UST: variants seen among roughly 807,000 people sequenced by gnomAD.
UST encodes uronyl 2-sulfotransferase.
In UST, 21 loss-of-function variants were observed where a neutral mutation model predicts 45.6. The observed-to-expected ratio is 0.46, with a 90% CI of 0.33 to 0.66. UST has a LOEUF of 0.66. UST is among the 30% of genes least tolerant of loss of function. UST has a pLI of 0.02. For missense variants in UST, 463 were observed against 512.4 expected (o/e 0.90, Z 0.93); for synonymous variants, 215 against 200.6 (o/e 1.07, Z -0.61).
At chr6:148,915,234 A>G (rs1779564135) in intron 2 of UST, among the ~76,000 whole-genome samples, 1 of 152,218 alleles carries the variant, frequency 6.6e-6, no homozygotes, top group African/African-American at 2.4e-5. Flanking sequence ...AAAAGACAAA[A>G]TTAAAGTGGC....
intron 7 of UST, among the ~76,000 whole-genome samples, chr6:149,041,061 C>T (rs1776306988): frequency 6.6e-6 from 1 of 152,218 alleles, no homozygotes; most frequent in African/African-American, 2.4e-5. Flanking sequence ...CCATGTTTCC[C>T]AGGTCGGCCT....
At chr6:149,062,104 T>C (rs1776662864) in intron 7 of UST, among the ~76,000 whole-genome samples, 1 of 152,250 alleles carries the variant, frequency 6.6e-6, no homozygotes, top group South Asian at 2.1e-4. Context: ...GTGTTTGTGG[T>C]GAACCTTCCT....
At chr6:148,985,009 T>C (rs1178020389) in intron 5 of UST, among the ~76,000 whole-genome samples, 1 of 152,208 alleles carries the variant, frequency 6.6e-6, no homozygotes, top group Admixed American at 6.5e-5. Flanking sequence ...AGGATGATTC[T>C]AGGTTTCTAG....
At chr6:148,950,428 A>T (rs769064365) in intron 3 of UST, among the ~76,000 whole-genome samples, 2 of 152,130 alleles carry the variant, frequency 1.3e-5, no homozygotes, top group Admixed American at 6.5e-5. Flanking sequence ...GATCTGGAAA[A>T]AAGAATTTTT....
chr6:149,069,801 T>C (rs1020865650), intron 7 of UST, among the ~76,000 whole-genome samples: 5 of 152,252 alleles, frequency 3.3e-5, no homozygotes, highest in Non-Finnish European at 1.5e-5. Context: ...AATAACCATT[T>C]ATATAGCAAA....
chr6:149,010,786 A>G (rs1466196788), intron 5 of UST, among the ~76,000 whole-genome samples: 1 of 150,580 alleles, frequency 6.6e-6, no homozygotes, highest in Non-Finnish European at 1.5e-5. Flanking sequence ...CCAACTACTC[A>G]GGAGGCTGAG....
In UST at chr6:149,010,093, C is replaced by G. The variant is rs1484460921; in HGVS notation, c.682-9046C>G. Among the ~76,000 whole-genome samples the G allele has an allele frequency of 7.9e-5, 12 of 151,464 alleles. 1 individual carries two copies. In the South Asian group the frequency reaches 2.5e-3, roughly 32 times the overall value. ...CGACTTTCTCAGATAAGCATTTTTC[C>G]TATAGTTACATATTCTTTGTAAACA... is the stretch of plus-strand genomic sequence containing the variant. On this transcript the variant is annotated intron_variant, in intron 5 of 7. Coordinates refer to ENST00000367463, the MANE Select transcript of UST (RefSeq NM_005715.3).
intron 7 of UST, among the ~76,000 whole-genome samples, chr6:149,036,089 C>T (rs565052236): frequency 6.6e-6 from 1 of 152,310 alleles, no homozygotes; most frequent in African/African-American, 2.4e-5. Flanking sequence ...TAGCCCATAC[C>T]TCTCCTTCCC....
intron 2 of UST, among the ~76,000 whole-genome samples, chr6:148,906,916 A>C (rs1334120090): frequency 1.3e-5 from 2 of 152,206 alleles, no homozygotes; most frequent in Non-Finnish European, 2.9e-5. Context: ...AATACTGAGG[A>C]AGGGTTCTAG....
intron 1 of UST, among the ~76,000 whole-genome samples, chr6:148,820,851 T>C (rs1180008501): frequency 1.8e-5 from 2 of 110,842 alleles, no homozygotes; most frequent in African/African-American, 3.8e-5. Context: ...AGACTCCATC[T>C]CAAAAAAAAA....
chr6:148,832,945 C>T (rs532731973), intron 1 of UST, among the ~76,000 whole-genome samples: 21 of 152,090 alleles, frequency 1.4e-4, no homozygotes, highest in African/African-American at 5.1e-4. Flanking sequence ...AACAAATAGC[C>T]CATAGAAAAG....
At chr6:149,038,889 CG>C (rs1170110818) in intron 7 of UST, among the ~76,000 whole-genome samples, 28 of 152,126 alleles carry the variant, frequency 1.8e-4, no homozygotes, top group Admixed American at 1.8e-3. Context: ...TATAGTGAGG[CG>C]GTTGGAGTTT....
chr6:149,019,056 A>C (rs1436528490), intron 5 of UST, 83 bp from the exon 6 acceptor site: 2 of 1,046,096 alleles, frequency 1.9e-6, no homozygotes, highest in Non-Finnish European at 3.0e-6. Flanking sequence ...TAATTCAATC[A>C]TGAATTTTAC....
intron 2 of UST, among the ~76,000 whole-genome samples, chr6:148,916,751 C>G (rs757726966): frequency 3.3e-5 from 5 of 152,246 alleles, no homozygotes; most frequent in Non-Finnish European, 2.9e-5. Context: ...TTTGAGCACA[C>G]CACTTCCCAG....
At chr6:148,834,352 T>A (rs916824197) in intron 1 of UST, among the ~76,000 whole-genome samples, 1 of 152,210 alleles carries the variant, frequency 6.6e-6, no homozygotes, top group Non-Finnish European at 1.5e-5. Context: ...TAGGTGAAAG[T>A]AAATCATTTC....
intron 3 of UST, among the ~76,000 whole-genome samples, chr6:148,943,313 G>C (rs1177493633): frequency 1.3e-5 from 2 of 152,154 alleles, no homozygotes; most frequent in African/African-American, 4.8e-5. Flanking sequence ...ACTACCTGCA[G>C]AGAGCAGGAC....
At chr6:148,844,720 G>GTA (rs1482132490) in intron 1 of UST, among the ~76,000 whole-genome samples, 1 of 151,898 alleles carries the variant, frequency 6.6e-6, no homozygotes, top group African/African-American at 2.4e-5. Context: ...TGTTACATGG[G>GTA]TATATTGGAC....
intron 2 of UST, among the ~76,000 whole-genome samples, chr6:148,916,932 T>C (rs926551106): frequency 6.6e-6 from 1 of 152,250 alleles, no homozygotes; most frequent in African/African-American, 2.4e-5. Context: ...CTCATCACGT[T>C]GCATAGTTAG....
At chr6:148,940,717 A>C (rs1038812118) in intron 2 of UST, among the ~76,000 whole-genome samples, 8 of 152,036 alleles carry the variant, frequency 5.3e-5, no homozygotes, top group African/African-American at 1.9e-4. Flanking sequence ...ACCCATCCTC[A>C]TGGCTGTGAA....
Sources: gnomAD v4.1 joint callset for allele counts (sites outside exome capture counted in the v4.1 genomes callset) on GRCh38, gnomAD v4.1.1 for gene constraint, MANE v1.5 for transcripts, NCBI Gene and HGNC (gene_info 2026-07-23, HGNC 2026-07-21) for gene names.